MAN1C1: variants seen among roughly 807,000 people sequenced by gnomAD.
MAN1C1 encodes the protein mannosyl-oligosaccharide 1,2-alpha-mannosidase IC.
In MAN1C1, 49 loss-of-function variants were observed where a neutral mutation model predicts 71.5. The ratio of observed to expected loss-of-function variants is 0.69; its 90% CI spans 0.54 to 0.87. The LOEUF (loss-of-function observed/expected upper bound fraction) is 0.87. Ranked by LOEUF, MAN1C1 falls within the 40% of genes least tolerant of loss-of-function variation. MAN1C1 has a pLI of 0.00. For synonymous variants in MAN1C1, 352 were observed against 343.7 expected (o/e 1.02, Z -0.27); for missense variants, 743 against 835.0 (o/e 0.89, Z 1.36).
intron 4 of MAN1C1, among the ~76,000 whole-genome samples, chr1:25,751,140 C>T (rs1038262049): frequency 6.7e-6 from 1 of 150,060 alleles, no homozygotes; most frequent in Non-Finnish European, 1.5e-5. Context: ...TCCTTCCCTT[C>T]GTTCATCTTT....
intron 2 of MAN1C1, among the ~76,000 whole-genome samples, chr1:25,705,011 A>T (rs1374690574): frequency 1.3e-5 from 2 of 152,228 alleles, no homozygotes; most frequent in Non-Finnish European, 2.9e-5. Context: ...TCTCAGTTGG[A>T]GAGTGATAAA....
intron 2 of MAN1C1, among the ~76,000 whole-genome samples, chr1:25,743,192 G>A (rs1034328211): frequency 2.2e-4 from 34 of 152,146 alleles, no homozygotes; most frequent in Admixed American, 5.9e-4. Flanking sequence ...ATTTGAACGC[G>A]GGGCTGCTGA....
chr1:25,674,521 C>T (rs2046037313), intron 1 of MAN1C1, among the ~76,000 whole-genome samples: 1 of 152,160 alleles, frequency 6.6e-6, no homozygotes, highest in Admixed American at 6.5e-5. Flanking sequence ...AATAATCCTC[C>T]ATAATAGGGT....
rs771547008 is a variant in MAN1C1, at chr1:25,631,503, C to T, written c.540+13166C>T. ...CTTTTTCTGCAACTATTGAGATGAT[C>T]GTATGGTTTTTGTTTTTAATTCTGT... On this transcript the variant is annotated intron_variant, in intron 1 of 11. Coordinates refer to ENST00000374332, the MANE Select transcript of MAN1C1 (RefSeq NM_020379.4). This position sits in a 1 kb window ranked among gnomAD's most constrained non-coding sequence, Gnocchi z 4.2. 6.6e-6 allele frequency among the ~76,000 whole-genome samples: 1 copy of T among 151,964 alleles called. No individual in the cohort carries two copies. Among genetic ancestry groups the T allele is most frequent in the Non-Finnish European group, 1.5e-5 (1 of 67,998 alleles).
Position 25,757,500 on chromosome 1 carries a change from C to CG in MAN1C1, c.930-1080dup, listed in dbSNP as rs4018193. 5.0e-3 allele frequency among the ~76,000 whole-genome samples: 755 copies of CG among 150,648 alleles called. 3 individuals carry two copies. The highest frequency in any genetic ancestry group is 0.014 in the South Asian group (65 of 4,752). On this transcript the variant is annotated intron_variant, in intron 5 of 11. Coordinates refer to ENST00000374332, the MANE Select transcript of MAN1C1 (RefSeq NM_020379.4). ...TGATACATATGAGGAAACTGAGGCACGGGGGGGGGGGGCAGCTTGCCCAGA... is the reference window on the plus strand; with the variant it reads ...TGATACATATGAGGAAACTGAGGCACGGGGGGGGGGGGGCAGCTTGCCCAGA...
chr1:25,664,182 C>T (rs1016234413), intron 1 of MAN1C1, among the ~76,000 whole-genome samples: 2 of 152,026 alleles, frequency 1.3e-5, no homozygotes, highest in East Asian at 1.9e-4. Flanking sequence ...GGGACCTGAG[C>T]GTTAGTGGCA....
chr1:25,622,648 A>G (rs2045231624), intron 1 of MAN1C1, among the ~76,000 whole-genome samples: 1 of 152,112 alleles, frequency 6.6e-6, no homozygotes, highest in African/African-American at 2.4e-5. Context: ...TGGAGGTGAC[A>G]CTCGTGAGTA....
At chr1:25,744,163 G>A (rs6668706) in intron 2 of MAN1C1, among the ~76,000 whole-genome samples, 3,701 of 152,248 alleles carry the variant, frequency 0.024, 141 homozygotes, top group African/African-American at 0.083. Flanking sequence ...CAGGAGCATG[G>A]ACACCAGGCC....
chr1:25,770,198 A>G (rs981621390), intron 7 of MAN1C1, among the ~76,000 whole-genome samples: 1 of 152,110 alleles, frequency 6.6e-6, no homozygotes, highest in African/African-American at 2.4e-5. Flanking sequence ...TTCCCTCCAC[A>G]CCAGAGCATA....
intron 2 of MAN1C1, among the ~76,000 whole-genome samples, chr1:25,710,681 G>A (rs1481735821): frequency 6.6e-6 from 1 of 152,206 alleles, no homozygotes; most frequent in Admixed American, 6.5e-5. Context: ...AACCTCAGAG[G>A]TAGCAGGATA....
At chr1:25,743,186 G>C (rs2047084154) in intron 2 of MAN1C1, among the ~76,000 whole-genome samples, 1 of 152,178 alleles carries the variant, frequency 6.6e-6, no homozygotes. Flanking sequence ...AGCGGCATTT[G>C]AACGCGGGGC....
At position 25,617,857 on chromosome 1, in the gene MAN1C1, G is replaced by T. The variant is rs773556048; in HGVS notation, c.60G>T (p.Pro20=). The T allele has an allele frequency of 6.2e-7, 1 of 1,606,480 alleles. No homozygotes were observed. The highest frequency in any genetic ancestry group is 2.3e-5 in the East Asian group (1 of 44,156). The change falls in exon 1 of 12, where the codon CCG becomes CCT. Residue 20 remains proline, a synonymous_variant. Coordinates refer to ENST00000374332, the MANE Select transcript of MAN1C1 (RefSeq NM_020379.4). The surrounding 1 kb of genome is among the most constrained non-coding windows in gnomAD (Gnocchi z 5.1). ...CCTCCCCGTGGGGGCTGCGGCTGCCGCAGAAGTTCCTCTTCCTCCTCTTCC... is the reference window on the plus strand; with the variant it reads ...CCTCCCCGTGGGGGCTGCGGCTGCCTCAGAAGTTCCTCTTCCTCCTCTTCC... ...VPASPWGLRL[P]QKFLFLLFLS...
At position 25,775,926 on chromosome 1, in the gene MAN1C1, GC is replaced by G; in HGVS notation, c.1258-2176del. The G allele has an allele frequency of 6.6e-6, 1 of 152,032 alleles. No homozygotes were observed. The highest frequency in any genetic ancestry group is 1.5e-5 in the Non-Finnish European group (1 of 68,032). 9.4% of individuals were successfully genotyped at this position (152,032 alleles called of 1,614,324 possible). A position where few individuals can be genotyped will look rare whatever the true frequency, so the allele number is the denominator to read the frequency against. On this transcript the variant is annotated intron_variant, in intron 8 of 11. Transcript: ENST00000374332. This position sits in a 1 kb window ranked among gnomAD's most constrained non-coding sequence, Gnocchi z 5.1. ...TTTTATGACAGAGTCTCACTCTATT[GC>G]CCAGAGTGGAGTGCAGTGGTGCAAT...
chr1:25,689,313 C>T (rs188040963), intron 2 of MAN1C1, among the ~76,000 whole-genome samples: 12 of 152,226 alleles, frequency 7.9e-5, no homozygotes, highest in South Asian at 2.1e-4. Context: ...CTGGAACTTC[C>T]GGCAGACCTG....
At chr1:25,647,702 T>G (rs1405551054) in intron 1 of MAN1C1, among the ~76,000 whole-genome samples, 3 of 152,158 alleles carry the variant, frequency 2.0e-5, no homozygotes, top group Non-Finnish European at 4.4e-5. Context: ...CAGTGGTAGC[T>G]TCTCTCTCTT....
intron 6 of MAN1C1, among the ~76,000 whole-genome samples, chr1:25,763,394 C>T (rs1315427478): frequency 6.8e-6 from 1 of 147,708 alleles, no homozygotes; most frequent in Non-Finnish European, 1.5e-5. Flanking sequence ...GAGGCTGAGG[C>T]ACGAACATTG....
intron 2 of MAN1C1, among the ~76,000 whole-genome samples, chr1:25,745,496 C>T (rs1009480739): frequency 5.3e-5 from 8 of 151,990 alleles, no homozygotes; most frequent in Admixed American, 2.0e-4. Context: ...AAGAATTATA[C>T]TGTGTTTTTT....
intron 2 of MAN1C1, among the ~76,000 whole-genome samples, chr1:25,741,487 A>T (rs1293310985): frequency 6.6e-6 from 1 of 152,190 alleles, no homozygotes; most frequent in African/African-American, 2.4e-5. Context: ...AGGAGCCAGG[A>T]TCCGTGACAC....
intron 2 of MAN1C1, among the ~76,000 whole-genome samples, chr1:25,719,386 T>A (rs1478662372): frequency 6.8e-6 from 1 of 147,758 alleles, no homozygotes; most frequent in Non-Finnish European, 1.5e-5. Context: ...ATACTTATTA[T>A]TTTTTATCTT....
Sources: gnomAD v4.1 joint callset for allele counts (sites outside exome capture counted in the v4.1 genomes callset) on GRCh38, gnomAD v4.1.1 for gene constraint, Gnocchi (gnomAD v3.1) non-coding constraint, MANE v1.5 for transcripts, NCBI Gene and HGNC (gene_info 2026-07-23, HGNC 2026-07-21) for gene names.